IL12RB1: variants seen among roughly 807,000 people sequenced by gnomAD.
IL12RB1 encodes interleukin 12 receptor subunit beta 1.
Under a neutral mutation model 94.4 loss-of-function variants are expected in IL12RB1, and 64 were observed. That is an observed-to-expected ratio of 0.68 (90% CI 0.55 to 0.83). IL12RB1 has a LOEUF of 0.83. Among genes scored for constraint, IL12RB1 ranks in the 40% least tolerant of loss-of-function variants. The pLI, the probability that IL12RB1 is intolerant of heterozygous loss-of-function variation, is 0.00. For synonymous variants in IL12RB1, 362 were observed against 355.5 expected, an observed-to-expected ratio of 1.02 and a Z score of -0.21; for missense variants, 814 against 855.6, an observed-to-expected ratio of 0.95 and a Z score of 0.61.
intron 1 of IL12RB1, among the ~76,000 whole-genome samples, chr19:18,093,026 C>T (rs79385521): frequency 1.3e-5 from 2 of 151,770 alleles, no homozygotes; most frequent in African/African-American, 2.4e-5. Context: ...GATGTTAGGC[C>T]GGGCACAGTG....
At chr19:18,081,072 C>T (rs868209943) in intron 3 of IL12RB1, 71 bp from the exon 4 acceptor site, 3 of 1,344,940 alleles carry the variant, frequency 2.2e-6, no homozygotes, top group African/African-American at 1.4e-5. Context: ...CTTTGTGCAT[C>T]ACATCCCAGC....
chr19:18,086,317 AC>A (rs1359194468), intron 1 of IL12RB1, among the ~76,000 whole-genome samples: 1 of 152,110 alleles, frequency 6.6e-6, no homozygotes, highest in Admixed American at 6.6e-5. Flanking sequence ...CAAATACTTT[AC>A]CATTTTATAT....
intron 7 of IL12RB1, among the ~76,000 whole-genome samples, chr19:18,075,255 T>C (rs2035378200): frequency 6.7e-6 from 1 of 148,658 alleles, no homozygotes; most frequent in Non-Finnish European, 1.5e-5. Context: ...ATTATTACTT[T>C]TTTTTTTTTT....
At chr19:18,094,899 G>C (rs975002047) in intron 1 of IL12RB1, among the ~76,000 whole-genome samples, 1 of 152,164 alleles carries the variant, frequency 6.6e-6, no homozygotes, top group African/African-American at 2.4e-5. Context: ...CACAAAGGCA[G>C]GGGGCGGTAG....
At position 18,061,140 on chromosome 19, in the gene IL12RB1, C is replaced by T. The variant is rs748061182; in HGVS notation, c.1773G>A (p.Glu591=). 2 of 1,597,236 alleles carry T rather than the reference C, an allele frequency of 1.3e-6. No homozygotes were observed. The highest frequency in any genetic ancestry group is 2.2e-5 in the East Asian group (1 of 44,580). ...TCCTTACCTCCTTCCCTCCAGGGAACTCAATGGCGGAGCTGGCACAGGGTG... is the reference window on the plus strand; with the variant it reads ...TCCTTACCTCCTTCCCTCCAGGGAATTCAATGGCGGAGCTGGCACAGGGTG... ...LPTPCASSAI[E]FPGGKETWQW... is the part of the protein sequence containing the mutation. Residue 591 remains glutamate (E), a synonymous_variant, in exon 15 of 17, where the codon GAG becomes GAA. Transcript: ENST00000593993.
Position 18,063,970 on chromosome 19 carries a change from A to C in IL12RB1, c.1524T>G (p.Ser508Arg). Residue 508 changes from serine (S) to arginine (R), a missense_variant, in exon 13 of 17, where the codon AGT becomes AGG. Transcript: ENST00000593993. ...TGTAGGCTACACCAGCCCGCAGGCC[A>C]CTGAGGGTAACTTGGGTCTCTGTGG... ...VQPTETQVTLSGLRAGVAYTV... is the reference protein window; with the variant it reads ...VQPTETQVTLRGLRAGVAYTV... 6.2e-7 allele frequency: 1 copy of C among 1,611,588 alleles called. No homozygotes were observed. Among genetic ancestry groups the C allele is most frequent in the Non-Finnish European group, 8.5e-7 (1 of 1,178,040 alleles).
At chr19:18,084,198 C>T (rs553417631) in intron 1 of IL12RB1, among the ~76,000 whole-genome samples, 45 of 146,860 alleles carry the variant, frequency 3.1e-4, no homozygotes, top group Non-Finnish European at 3.3e-4. Flanking sequence ...CATCCATCCA[C>T]GTATTCATAC....
At chr19:18,096,818 C>A (rs1026050646) in intron 1 of IL12RB1, among the ~76,000 whole-genome samples, 1 of 144,024 alleles carries the variant, frequency 6.9e-6, no homozygotes, top group African/African-American at 2.7e-5. Context: ...AACAGAGAGA[C>A]TCGTCTCATA....
chr19:18,097,678 G>A (rs1323529951), intron 1 of IL12RB1: 1 of 613,110 alleles, frequency 1.6e-6, no homozygotes, highest in East Asian at 4.4e-5. Context: ...GGCTCCCCGG[G>A]AGGGGCGGGG....
intron 12 of IL12RB1, among the ~76,000 whole-genome samples, chr19:18,064,631 G>A (rs746928085): frequency 6.6e-6 from 1 of 151,808 alleles, no homozygotes; most frequent in Non-Finnish European, 1.5e-5. Flanking sequence ...CACCACCATA[G>A]CCAGCTAATT....
At chr19:18,091,530 C>T (rs1037310418), upstream of IL12RB1, 4 of 152,294 alleles carry the variant, frequency 2.6e-5, no homozygotes, top group South Asian at 2.1e-4. Flanking sequence ...GAGACCCTAA[C>T]GTCGCTGAGG....
intron 1 of IL12RB1, chr19:18,097,667 G>C (rs1293822507): frequency 5.9e-6 from 3 of 509,242 alleles, no homozygotes; most frequent in Admixed American, 9.8e-5. Flanking sequence ...CCCTGTGGTC[G>C]GGCTCCCCGG....
At chr19:18,075,958 A>C in intron 6 of IL12RB1, 90 bp from the exon 7 acceptor site, 3 of 1,304,008 alleles carry the variant, frequency 2.3e-6, no homozygotes, top group Non-Finnish European at 3.3e-6. Context: ...TTGAGCTCCA[A>C]CTGTGTACAG....
chr19:18,062,330 G>A (rs2034202121), intron 13 of IL12RB1, 53 bp from the exon 14 acceptor site: 1 of 1,152,270 alleles, frequency 8.7e-7, no homozygotes, highest in African/African-American at 1.5e-5. Flanking sequence ...CTCTTCCTCA[G>A]GGAAGGAGCT....
At chr19:18,079,080 T>G (rs1490486028) in intron 4 of IL12RB1, among the ~76,000 whole-genome samples, 1 of 151,574 alleles carries the variant, frequency 6.6e-6, no homozygotes, top group Non-Finnish European at 1.5e-5. Flanking sequence ...ATTACTTTTT[T>G]GGTGTGTGGT....
chr19:18,072,483 G>T, intron 8 of IL12RB1, 134 bp from the exon 9 acceptor site: 1 of 698,228 alleles, frequency 1.4e-6, no homozygotes. Context: ...AAAATTAAAA[G>T]AATAATAAAC....
chr19:18,072,863 C>T lies in IL12RB1; in HGVS notation c.784-514G>A, dbSNP rs547706379. On this transcript the variant is annotated intron_variant, in intron 8 of 16. Coordinates refer to ENST00000593993, the MANE Select transcript of IL12RB1 (RefSeq NM_005535.3). ...TCGGGAGGCTGAGGCAGGAGAATGG[C>T]GTGAACCCGGGAGGCGGAGCTTGTA... Among the ~76,000 whole-genome samples, 6 of 145,344 alleles carry T rather than the reference C, an allele frequency of 4.1e-5. No homozygotes were observed. In the South Asian group the frequency reaches 8.5e-4, roughly 21 times the overall value.
intron 4 of IL12RB1, among the ~76,000 whole-genome samples, chr19:18,080,213 A>G (rs1245589577): frequency 6.6e-6 from 1 of 151,434 alleles, no homozygotes; most frequent in Admixed American, 6.6e-5. Flanking sequence ...GCACCACCAC[A>G]CCAGGCAAAT....
At chr19:18,081,120 G>A in intron 3 of IL12RB1, 119 bp from the exon 4 acceptor site, 1 of 927,554 alleles carries the variant, frequency 1.1e-6, no homozygotes, top group Non-Finnish European at 1.6e-6. Flanking sequence ...TTTGGAGATG[G>A]AGTTTCATTC....
Sources: gnomAD v4.1 joint callset for allele counts (sites outside exome capture counted in the v4.1 genomes callset) on GRCh38, gnomAD v4.1.1 for gene constraint, MANE v1.5 for transcripts, NCBI Gene and HGNC (gene_info 2026-07-23, HGNC 2026-07-21) for gene names.